PTPRM: variants seen among roughly 807,000 people sequenced by gnomAD.
The protein encoded by PTPRM is receptor-type tyrosine-protein phosphatase mu.
Under a neutral mutation model 186.7 loss-of-function variants are expected in PTPRM, and 47 were observed. The observed-to-expected ratio is 0.25, with a 90% CI of 0.20 to 0.32. The LOEUF (loss-of-function observed/expected upper bound fraction) is 0.32. PTPRM is among the 10% of genes least tolerant of loss of function. The pLI is 1.00. For missense variants in PTPRM, 1,494 were observed against 1,865.0 expected, an observed-to-expected ratio of 0.80 and a Z score of 3.66; for synonymous variants, 668 against 674.9, an observed-to-expected ratio of 0.99 and a Z score of 0.16.
At chr18:7,881,316 A>T (rs9950710) in intron 2 of PTPRM, among the ~76,000 whole-genome samples, 12,683 of 151,936 alleles carry the variant, frequency 0.083, 699 homozygotes, top group African/African-American at 0.17. Flanking sequence ...GTGCTTGTAA[A>T]CCCAGCTACT....
At chr18:7,822,959 A>T (rs1050135827) in intron 2 of PTPRM, among the ~76,000 whole-genome samples, 16 of 152,160 alleles carry the variant, frequency 1.1e-4, no homozygotes, top group African/African-American at 3.6e-4. Context: ...TGTGCAGTGT[A>T]GGATGTTCAG....
intron 1 of PTPRM, among the ~76,000 whole-genome samples, chr18:7,740,095 T>A (rs1356963529): frequency 6.6e-6 from 1 of 152,356 alleles, no homozygotes; most frequent in Middle Eastern, 3.4e-3. Context: ...TATGGAACAG[T>A]ACTGAACATT....
chr18:8,381,807 T>G (rs1024137172), intron 29 of PTPRM, among the ~76,000 whole-genome samples: 20 of 152,212 alleles, frequency 1.3e-4, no homozygotes, highest in Non-Finnish European at 2.6e-4. Context: ...TTGCAGACAC[T>G]TATAGAATAA....
At chr18:7,899,294 G>A (rs2049534301) in intron 3 of PTPRM, among the ~76,000 whole-genome samples, 1 of 152,194 alleles carries the variant, frequency 6.6e-6, no homozygotes, top group Non-Finnish European at 1.5e-5. Flanking sequence ...CTTCAGCTAG[G>A]AACATGTGTG....
intron 1 of PTPRM, among the ~76,000 whole-genome samples, chr18:7,648,978 T>G (rs190228099): frequency 1.3e-5 from 2 of 152,276 alleles, no homozygotes; most frequent in East Asian, 1.9e-4. Context: ...GAGAAGTCAA[T>G]TCCTGGCTTC....
chr18:8,359,963 A>G (rs1253849844), intron 23 of PTPRM, among the ~76,000 whole-genome samples: 1 of 152,096 alleles, frequency 6.6e-6, no homozygotes, highest in Non-Finnish European at 1.5e-5. Flanking sequence ...TCCTTTCTCT[A>G]CTTTCCAAAT....
At chr18:7,804,058 T>G (rs2044110999) in intron 2 of PTPRM, among the ~76,000 whole-genome samples, 1 of 152,208 alleles carries the variant, frequency 6.6e-6, no homozygotes, top group Non-Finnish European at 1.5e-5. Context: ...GAGGATTTAC[T>G]GGTTTATGTA....
intron 7 of PTPRM, among the ~76,000 whole-genome samples, chr18:7,988,632 TG>T (rs1191953294): frequency 6.6e-6 from 1 of 152,158 alleles, no homozygotes; most frequent in Non-Finnish European, 1.5e-5. Flanking sequence ...ATGCATATTC[TG>T]GGTATCTCAT....
At chr18:8,107,588 GC>G (rs2091579640) in intron 11 of PTPRM, among the ~76,000 whole-genome samples, 1 of 152,184 alleles carries the variant, frequency 6.6e-6, no homozygotes, top group Admixed American at 6.5e-5. Flanking sequence ...ACTTACTGAT[GC>G]CAGGCAAGCT....
intron 7 of PTPRM, among the ~76,000 whole-genome samples, chr18:8,064,518 G>C (rs1376487708): frequency 6.6e-6 from 1 of 151,790 alleles, no homozygotes; most frequent in African/African-American, 2.4e-5. Flanking sequence ...TTTGATTTTT[G>C]TTATGATAAA....
At chr18:7,733,383 G>C (rs1468507212) in intron 1 of PTPRM, among the ~76,000 whole-genome samples, 2 of 152,088 alleles carry the variant, frequency 1.3e-5, no homozygotes, top group Non-Finnish European at 2.9e-5. Context: ...ATGGCTTCCA[G>C]CTTCATCCAT....
At chr18:7,633,344 T>C (rs2038236103) in intron 1 of PTPRM, among the ~76,000 whole-genome samples, 1 of 152,118 alleles carries the variant, frequency 6.6e-6, no homozygotes, top group Non-Finnish European at 1.5e-5. Flanking sequence ...TTAGGAGGAG[T>C]CACCATGTTT....
chr18:7,802,997 A>T (rs987100349), intron 2 of PTPRM, among the ~76,000 whole-genome samples: 2 of 152,108 alleles, frequency 1.3e-5, no homozygotes, highest in Admixed American at 1.3e-4. Context: ...GAAGAGGGGA[A>T]CCTAACATGG....
chr18:7,993,401 A>G (rs368935850), intron 7 of PTPRM, among the ~76,000 whole-genome samples: 2 of 152,218 alleles, frequency 1.3e-5, no homozygotes, highest in African/African-American at 4.8e-5. Context: ...TACTTAACAC[A>G]TAAGTCTCCT....
At chr18:7,577,900 G>A (rs2036731941) in intron 1 of PTPRM, among the ~76,000 whole-genome samples, 1 of 152,154 alleles carries the variant, frequency 6.6e-6, no homozygotes, top group Non-Finnish European at 1.5e-5. Context: ...GCCCCTGTGA[G>A]ACAGCTGGTT....
chr18:7,822,950 G>T (rs2045281175), intron 2 of PTPRM, among the ~76,000 whole-genome samples: 1 of 152,082 alleles, frequency 6.6e-6, no homozygotes, highest in South Asian at 2.1e-4. Context: ...GTGACATCCT[G>T]TGCAGTGTAG....
chr18:7,931,055 G>A (rs368487898), intron 5 of PTPRM, among the ~76,000 whole-genome samples: 3 of 151,986 alleles, frequency 2.0e-5, no homozygotes, highest in African/African-American at 7.2e-5. Context: ...CAGACAGTAG[G>A]AAGACAACAT....
chr18:8,111,504 T>G (rs899275197), intron 11 of PTPRM, among the ~76,000 whole-genome samples: 1 of 151,950 alleles, frequency 6.6e-6, no homozygotes, highest in Non-Finnish European at 1.5e-5. Context: ...TTCCAGCTAC[T>G]TGGGAGGCTG....
At chr18:7,745,748 C>T (rs2040972804) in intron 1 of PTPRM, among the ~76,000 whole-genome samples, 1 of 151,842 alleles carries the variant, frequency 6.6e-6, no homozygotes, top group South Asian at 2.1e-4. Flanking sequence ...ATAAGGGCAT[C>T]TAGAAAAAGG....
Sources: allele counts gnomAD v4.1 joint callset (sites outside exome capture counted in the v4.1 genomes callset), GRCh38; gene constraint gnomAD v4.1.1; transcripts MANE v1.5; gene names NCBI Gene and HGNC (gene_info 2026-07-23, HGNC 2026-07-21).